GABRB3: variants seen among roughly 807,000 people sequenced by gnomAD.
GABRB3 encodes the protein gamma-aminobutyric acid receptor subunit beta-3.
GABRB3 carries 14 observed loss-of-function variants against 52.1 expected under a neutral mutation model. That is an observed-to-expected ratio of 0.27 (90% CI 0.18 to 0.42). The LOEUF (loss-of-function observed/expected upper bound fraction) is 0.42. Among genes scored for constraint, GABRB3 ranks in the 10% least tolerant of loss-of-function variants. The pLI is 1.00. For missense variants in GABRB3, 307 were observed against 609.1 expected (o/e 0.50, Z 5.22); for synonymous variants, 260 against 232.3 (o/e 1.12, Z -1.08).
At chr15:26,551,237 G>C (rs903364060) in intron 8 of GABRB3, among the ~76,000 whole-genome samples, 1 of 152,200 alleles carries the variant, frequency 6.6e-6, no homozygotes, top group East Asian at 1.9e-4. Context: ...ACAGGAAGAA[G>C]AGTACTTTCT....
At chr15:26,584,477 A>C (rs1401494923) in intron 4 of GABRB3, among the ~76,000 whole-genome samples, 1 of 152,166 alleles carries the variant, frequency 6.6e-6, no homozygotes, top group Non-Finnish European at 1.5e-5. Flanking sequence ...GCTATTACAG[A>C]AATTGTTTTA....
At chr15:26,707,332 C>T (rs982198567) in intron 3 of GABRB3, among the ~76,000 whole-genome samples, 10 of 152,048 alleles carry the variant, frequency 6.6e-5, no homozygotes, top group African/African-American at 2.4e-4. Flanking sequence ...GCAAGACCAG[C>T]GGCAGAGGAA....
intron 3 of GABRB3, among the ~76,000 whole-genome samples, chr15:26,696,383 G>A (rs1888740368): frequency 2.0e-5 from 3 of 151,798 alleles, no homozygotes; most frequent in African/African-American, 4.8e-5. Context: ...TATAATTACT[G>A]TTATTATTAT....
intron 3 of GABRB3, among the ~76,000 whole-genome samples, chr15:26,705,759 G>C (rs1018454429): frequency 1.3e-5 from 2 of 152,136 alleles, no homozygotes; most frequent in Non-Finnish European, 2.9e-5. Context: ...GAAACATTTG[G>C]GGGTAGATGA....
At chr15:26,649,841 G>A (rs2140587428) in intron 3 of GABRB3, among the ~76,000 whole-genome samples, 1 of 152,214 alleles carries the variant, frequency 6.6e-6, no homozygotes. Flanking sequence ...TCTGAGGGGT[G>A]GGATCATGAG....
intron 3 of GABRB3, among the ~76,000 whole-genome samples, chr15:26,734,382 G>T (rs1196090985): frequency 6.6e-6 from 1 of 151,982 alleles, no homozygotes; most frequent in Non-Finnish European, 1.5e-5. Context: ...TCACAACATT[G>T]TATTTAGCAG....
chr15:26,724,316 C>G (rs1294409357), intron 3 of GABRB3, among the ~76,000 whole-genome samples: 1 of 152,242 alleles, frequency 6.6e-6, no homozygotes, highest in African/African-American at 2.4e-5. Context: ...AATGAACCCC[C>G]CTCTTGGCCA....
chr15:26,687,372 T>G (rs1379182041), intron 3 of GABRB3, among the ~76,000 whole-genome samples: 3 of 152,216 alleles, frequency 2.0e-5, no homozygotes, highest in Non-Finnish European at 4.4e-5. Flanking sequence ...TATAAGTAAC[T>G]GCATACAGAT....
chr15:26,606,556 G>A (rs984391756), intron 4 of GABRB3, among the ~76,000 whole-genome samples: 1 of 152,040 alleles, frequency 6.6e-6, no homozygotes, highest in African/African-American at 2.4e-5. Flanking sequence ...ATACTCAATG[G>A]TAAAATGTTG....
chr15:26,704,988 C>T (rs1889052765), intron 3 of GABRB3, among the ~76,000 whole-genome samples: 2 of 152,216 alleles, frequency 1.3e-5, no homozygotes, highest in Non-Finnish European at 2.9e-5. Flanking sequence ...GCACTAACCA[C>T]TGCCCAGTTC....
chr15:26,584,832 G>A (rs1469869473), intron 4 of GABRB3, among the ~76,000 whole-genome samples: 1 of 152,174 alleles, frequency 6.6e-6, no homozygotes, highest in Non-Finnish European at 1.5e-5. Flanking sequence ...AAAGGTGACT[G>A]GACTGTGGTG....
At chr15:26,719,557 G>A (rs1320974677) in intron 3 of GABRB3, among the ~76,000 whole-genome samples, 3 of 152,214 alleles carry the variant, frequency 2.0e-5, no homozygotes, top group African/African-American at 7.2e-5. Context: ...TTGAATGGCT[G>A]ACAACACTAC....
chr15:26,586,152 C>T (rs1890975557), intron 4 of GABRB3, among the ~76,000 whole-genome samples: 1 of 151,986 alleles, frequency 6.6e-6, no homozygotes, highest in African/African-American at 2.4e-5. Context: ...GCGCCTGCCA[C>T]CACGCCCAGC....
At chr15:26,554,045 T>TTTTTTTTTTA (rs1889604836) in intron 8 of GABRB3, among the ~76,000 whole-genome samples, 1 of 37,444 alleles carries the variant, frequency 2.7e-5, no homozygotes, top group African/African-American at 1.2e-4. Context: ...ATTTATTTAT[T>TTTTTTTTTTA]TATATTTATT....
At position 26,600,370 on chromosome 15, in the gene GABRB3, G is replaced by GTT. The variant is rs530600069; in HGVS notation, c.462-16957_462-16956insAA. On this transcript the variant is annotated intron_variant, in intron 4 of 8. Transcript: ENST00000311550. ...CGTTCTTAATCTAGTAATAGATACA[G>GTT]AAGGAAATACAGAAGTCACCAATCA... Among the ~76,000 whole-genome samples, 294 of 152,146 alleles carry GTT rather than the reference G, an allele frequency of 1.9e-3. 4 individuals carry two copies. In the East Asian group the frequency reaches 0.036, roughly 19 times the overall value.
chr15:26,712,323 G>T (rs1889325851), intron 3 of GABRB3, among the ~76,000 whole-genome samples: 1 of 151,990 alleles, frequency 6.6e-6, no homozygotes, highest in African/African-American at 2.4e-5. Context: ...CATATCAGTG[G>T]GTTGTTTAAG....
intron 3 of GABRB3, 56 bp downstream of exon 3, chr15:26,772,346 G>A: frequency 6.7e-7 from 1 of 1,485,210 alleles, no homozygotes; most frequent in Non-Finnish European, 9.3e-7. Context: ...GGACGCCTGT[G>A]ATCCCAGACA....
At chr15:26,624,615 A>T in intron 3 of GABRB3, 2 of 985,510 alleles carry the variant, frequency 2.0e-6, no homozygotes, top group Non-Finnish European at 2.4e-6. Flanking sequence ...TGACTTGAGT[A>T]GACTAGTGGG....
intron 4 of GABRB3, among the ~76,000 whole-genome samples, chr15:26,596,344 T>C (rs1262939107): frequency 6.6e-6 from 1 of 152,160 alleles, no homozygotes; most frequent in East Asian, 1.9e-4. Context: ...AAAAGCAATG[T>C]ACATGTGCAT....
Sources: allele counts gnomAD v4.1 joint callset (sites outside exome capture counted in the v4.1 genomes callset), GRCh38; gene constraint gnomAD v4.1.1; transcripts MANE v1.5; gene names NCBI Gene and HGNC (gene_info 2026-07-23, HGNC 2026-07-21).